The following CCNYL1 variants were observed in gnomAD, a reference collection of about 807,000 sequenced individuals.
CCNYL1 encodes cyclin Y like 1, also known as cyclin-Y-like protein 1.
CCNYL1 carries 16 observed loss-of-function variants against 44.2 expected under a neutral mutation model. The observed-to-expected ratio is 0.36, with a 90% CI of 0.25 to 0.55. The LOEUF (loss-of-function observed/expected upper bound fraction) is 0.55, where lower values mean the gene tolerates loss of function less well. CCNYL1 is among the 20% of genes least tolerant of loss of function. The probability of loss-of-function intolerance (pLI) is 0.85; values close to 1 mark genes in which losing one functional copy is unlikely to be tolerated. For missense variants in CCNYL1, 348 were observed against 451.8 expected (o/e 0.77, Z 2.08); for synonymous variants, 159 against 163.2 (o/e 0.97, Z 0.20).
intron 7 of CCNYL1, 113 bp downstream of exon 7, chr2:207,742,455 G>A (rs2091818857): frequency 1.1e-6 from 1 of 945,498 alleles, no homozygotes; most frequent in Non-Finnish European, 1.5e-6. Context: ...AACTTTAAGA[G>A]AAACCTATGA....
At position 207,742,225 on chromosome 2, in the gene CCNYL1, A is replaced by T; in HGVS notation, c.522A>T (p.Arg174=). 1.3e-6 allele frequency: 2 copies of T among 1,598,036 alleles called. No homozygotes were observed. The highest frequency in any genetic ancestry group is 1.7e-6 in the Non-Finnish European group (2 of 1,175,660). ...IFDERSHPLT[R]EKVPEEYFKH... is the part of the protein sequence containing the mutation. ...CATTGCATCTTTTCTTCTTTCAGCGAGAAAAAGTTCCAGAGGAATACTTTA... is the reference window on the plus strand; with the variant it reads ...CATTGCATCTTTTCTTCTTTCAGCGTGAAAAAGTTCCAGAGGAATACTTTA... The change falls in exon 7 of 10, where the codon CGA becomes CGT. Residue 174 remains arginine (R), a splice_region_variant and synonymous_variant. Transcript: ENST00000295414.
intron 4 of CCNYL1, among the ~76,000 whole-genome samples, chr2:207,734,721 G>A (rs1393744999): frequency 1.3e-5 from 2 of 151,958 alleles, no homozygotes; most frequent in Non-Finnish European, 2.9e-5. Context: ...TTACTTTTTA[G>A]TCTAAAAACA....
intron 1 of CCNYL1, among the ~76,000 whole-genome samples, chr2:207,715,379 CTTTTTTTTTT>C (rs770646092): frequency 4.0e-5 from 4 of 100,754 alleles, no homozygotes; most frequent in African/African-American, 1.1e-4. Context: ...CAAGCTATTT[CTTTTTTTTTT>C]TTTTTTTTTT....
chr2:207,744,336 T>G (rs928819687), intron 7 of CCNYL1, among the ~76,000 whole-genome samples: 2 of 151,774 alleles, frequency 1.3e-5, no homozygotes, highest in African/African-American at 4.8e-5. Context: ...GCCTTTTGGC[T>G]TGCAGGCCAC....
intron 7 of CCNYL1, among the ~76,000 whole-genome samples, chr2:207,743,531 C>T (rs2091827626): frequency 6.6e-6 from 1 of 152,122 alleles, no homozygotes; most frequent in African/African-American, 2.4e-5. Context: ...GGGAGGATCA[C>T]TTGAGTGCAG....
intron 2 of CCNYL1, among the ~76,000 whole-genome samples, chr2:207,725,881 A>T (rs1395743343): frequency 6.6e-6 from 1 of 152,200 alleles, no homozygotes; most frequent in Non-Finnish European, 1.5e-5. Flanking sequence ...CAGGTTTTTC[A>T]TTTGATTTCA....
At chr2:207,746,731 A>G (rs1015769832) in intron 7 of CCNYL1, among the ~76,000 whole-genome samples, 8 of 152,202 alleles carry the variant, frequency 5.3e-5, no homozygotes, top group African/African-American at 1.9e-4. Context: ...TGTAATCCCA[A>G]CATTTTGGGA....
At chr2:207,753,223 A>C (rs1226879151) in intron 9 of CCNYL1, among the ~76,000 whole-genome samples, 1 of 152,186 alleles carries the variant, frequency 6.6e-6, no homozygotes, top group African/African-American at 2.4e-5. Context: ...TAGCTGAATA[A>C]ACATTTTTTT....
At chr2:207,720,787 T>C (rs189746384) in intron 1 of CCNYL1, among the ~76,000 whole-genome samples, 33 of 152,320 alleles carry the variant, frequency 2.2e-4, no homozygotes, top group Non-Finnish European at 4.4e-4. Flanking sequence ...AAAGGTATAC[T>C]ATAGCATATG....
intron 7 of CCNYL1, among the ~76,000 whole-genome samples, chr2:207,746,746 C>G (rs2091857490): frequency 6.6e-6 from 1 of 152,218 alleles, no homozygotes. Context: ...TTGGGAGGAT[C>G]TGGTGGATCA....
chr2:207,721,545 A>G (rs975581907), intron 1 of CCNYL1, among the ~76,000 whole-genome samples: 6 of 152,226 alleles, frequency 3.9e-5, no homozygotes, highest in African/African-American at 1.4e-4. Flanking sequence ...GGGTGTTTAT[A>G]TTAAGACCTG....
At chr2:207,739,159 G>A (rs893870980) in intron 5 of CCNYL1, among the ~76,000 whole-genome samples, 5 of 152,170 alleles carry the variant, frequency 3.3e-5, no homozygotes, top group Admixed American at 6.5e-5. Flanking sequence ...TTTTTAGTTT[G>A]AAAGCTTGAA....
intron 4 of CCNYL1, among the ~76,000 whole-genome samples, chr2:207,735,718 T>A (rs2091759506): frequency 6.6e-6 from 1 of 151,954 alleles, no homozygotes; most frequent in Non-Finnish European, 1.5e-5. Flanking sequence ...TACAAAAAAA[T>A]TAGCCAAGCG....
chr2:207,736,538 T>C (rs949753918), intron 4 of CCNYL1, among the ~76,000 whole-genome samples: 6 of 152,256 alleles, frequency 3.9e-5, no homozygotes, highest in African/African-American at 1.4e-4. Context: ...TTAGCACTGC[T>C]TATTTCAGGA....
chr2:207,726,441 C>A (rs2091680495), intron 2 of CCNYL1, among the ~76,000 whole-genome samples: 1 of 152,162 alleles, frequency 6.6e-6, no homozygotes, highest in Non-Finnish European at 1.5e-5. Context: ...GAAACTGGTT[C>A]TTAGAGCTGT....
intron 3 of CCNYL1, among the ~76,000 whole-genome samples, chr2:207,731,718 T>C (rs2663898): frequency 0.99 from 150,057 of 151,846 alleles, 74,158 homozygotes; most frequent in Middle Eastern, 1. Flanking sequence ...TCAAGAGATA[T>C]AGTGATACTC....
At chr2:207,741,891 G>A (rs935841541) in intron 6 of CCNYL1, among the ~76,000 whole-genome samples, 5 of 148,392 alleles carry the variant, frequency 3.4e-5, no homozygotes, top group African/African-American at 1.2e-4. Flanking sequence ...TGTCTCACGC[G>A]TGTAATCCCA....
At chr2:207,727,793 A>G (rs1312425871) in intron 3 of CCNYL1, among the ~76,000 whole-genome samples, 2 of 152,056 alleles carry the variant, frequency 1.3e-5, no homozygotes, top group African/African-American at 2.4e-5. Context: ...GGGATCTCAC[A>G]TAACTGTCCT....
chr2:207,714,316 T>C (rs1345873932), intron 1 of CCNYL1: 8 of 248,374 alleles, frequency 3.2e-5, no homozygotes, highest in East Asian at 2.1e-4. Flanking sequence ...ACATCTCTTT[T>C]TTTTTTTTTT....
Sources: gnomAD v4.1 joint callset for allele counts (sites outside exome capture counted in the v4.1 genomes callset) on GRCh38, gnomAD v4.1.1 for gene constraint, MANE v1.5 for transcripts, NCBI Gene and HGNC (gene_info 2026-07-23, HGNC 2026-07-21) for gene names.